ABCA1: variants seen among roughly 807,000 people sequenced by gnomAD.
ABCA1 encodes phospholipid-transporting ATPase ABCA1.
In ABCA1, 133 loss-of-function variants were observed where a neutral mutation model predicts 262.5. The ratio of observed to expected loss-of-function variants is 0.51; its 90% confidence interval spans 0.44 to 0.59. ABCA1 has a LOEUF of 0.59. Among genes scored for constraint, ABCA1 ranks in the 20% least tolerant of loss-of-function variants. The pLI is 0.00. For missense variants in ABCA1, 2,452 were observed against 2,777.5 expected (o/e 0.88, Z 2.63); for synonymous variants, 1,022 against 1,043.5 (o/e 0.98, Z 0.40).
At chr9:104,880,197 G>A (rs1564234407) in intron 5 of ABCA1, among the ~76,000 whole-genome samples, 1 of 152,166 alleles carries the variant, frequency 6.6e-6, no homozygotes, top group East Asian at 1.9e-4. Flanking sequence ...TCCCAGCCCT[G>A]GGAGAGACAG....
chr9:104,926,676 A>G (rs1275248138), intron 1 of ABCA1, among the ~76,000 whole-genome samples: 1 of 151,874 alleles, frequency 6.6e-6, no homozygotes, highest in Non-Finnish European at 1.5e-5. Flanking sequence ...CCCCACCCTC[A>G]CGGCAGAGCC....
intron 13 of ABCA1, 26 bp downstream of exon 13, chr9:104,831,596 G>C (rs1833329153): frequency 1.3e-6 from 2 of 1,596,752 alleles, no homozygotes; most frequent in African/African-American, 1.3e-5. Context: ...CCCAAGACCA[G>C]GCTGGTGTGA....
chr9:104,784,972 C>A lies in ABCA1; in HGVS notation c.6645+424G>T, dbSNP rs1025227393. On this transcript the variant is annotated intron_variant, in intron 49 of 49. Transcript: ENST00000374736. ...AACTGACTTTCTATATCGCCCCCCA[C>A]CCCTACATCACCAACTGCTCAGTCA... 4.6e-5 allele frequency among the ~76,000 whole-genome samples: 7 copies of A among 152,118 alleles called. No homozygotes were observed. In the East Asian group the frequency reaches 1.2e-3, roughly 25 times the overall value.
chr9:104,784,071 A>C lies in ABCA1; in HGVS notation c.*244T>G, dbSNP rs1050756559. 2 of 510,922 alleles carry C rather than the reference A, an allele frequency of 3.9e-6. No individual in the cohort carries two copies. Among genetic ancestry groups the C allele is most frequent in the Non-Finnish European group, 7.0e-6 (2 of 285,520 alleles). 31.6% of individuals were successfully genotyped at this position (510,922 alleles called of 1,614,324 possible). ...AATAGAGTTTCACATAGGTATAGGT[A>C]AAAAACTAAATTCAAGTCTTTCACT... On this transcript the variant is annotated 3_prime_UTR_variant, in exon 50 of 50. Coordinates refer to ENST00000374736, the MANE Select transcript of ABCA1 (RefSeq NM_005502.4).
chr9:104,847,185 T>C (rs1224326753), intron 7 of ABCA1, among the ~76,000 whole-genome samples: 1 of 152,170 alleles, frequency 6.6e-6, no homozygotes, highest in Non-Finnish European at 1.5e-5. Flanking sequence ...CCACTTCTTT[T>C]ATAAGGACTC....
intron 34 of ABCA1, among the ~76,000 whole-genome samples, 155 bp downstream of exon 34, chr9:104,801,899 G>A (rs994588937): frequency 3.3e-5 from 5 of 152,136 alleles, no homozygotes; most frequent in African/African-American, 1.2e-4. Flanking sequence ...ATTCAGTTTT[G>A]TCTGGCTCAA....
In ABCA1 at chr9:104,824,495, G is replaced by A. The variant is rs752207371; in HGVS notation, c.2626C>T (p.Pro876Ser). ...GATATTCTCTTCTGGTTGGAACCAG[G>A]GTGGCTCTTCTCATCACTTTCCTCG... The part of the protein sequence containing the change: ...FGEESDEKSH[P>S]GSNQKRISEI... Residue 876 changes from proline (P) to serine (S), a missense_variant, in exon 18 of 50, where the codon CCT becomes TCT. Around this residue, in one of 4 missense-constraint regions of ABCA1, gnomAD observed 1,032 missense variants for 1,089.7 expected, o/e 0.95. Coordinates refer to ENST00000374736, the MANE Select transcript of ABCA1 (RefSeq NM_005502.4). 6.2e-7 allele frequency: 1 copy of A among 1,614,126 alleles called. No homozygotes were observed. The highest frequency in any genetic ancestry group is 1.1e-5 in the South Asian group (1 of 91,086).
chr9:104,847,935 A>T lies in ABCA1; in HGVS notation c.721-2366T>A, dbSNP rs192228595. Among the ~76,000 whole-genome samples the T allele has an allele frequency of 5.2e-3, 785 of 152,348 alleles. 4 individuals are homozygous for T. The highest frequency in any genetic ancestry group is 0.018 in the African/African-American group (731 of 41,572). On this transcript the variant is annotated intron_variant, in intron 7 of 49. Coordinates refer to ENST00000374736, the MANE Select transcript of ABCA1 (RefSeq NM_005502.4). The stretch of plus-strand genomic sequence containing the variant: ...TGTCTATATGTATAGACATACATAC[A>T]CACATATATCTTACACATATTAACT...
Position 104,820,056 on chromosome 9 carries a change from C to A in ABCA1, c.2974G>T (p.Glu992Ter). The change falls in exon 21 of 50, where the codon GAA (glutamate) becomes TAA (stop). Residue 992 changes from glutamate (E) to a stop codon, truncating the protein, a stop_gained. Coordinates refer to ENST00000374736, the MANE Select transcript of ABCA1 (RefSeq NM_005502.4). LOFTEE classifies it high-confidence loss of function. ...AAGCGGGCATAGAACCAGATGTGTTCTTCGACAGTCAGCCTGGGGACAGGG... is the reference window on the plus strand; with the variant it reads ...AAGCGGGCATAGAACCAGATGTGTTATTCGACAGTCAGCCTGGGGACAGGG... ...NVLFDMLTVE[E>*]HIWFYARLKG... is the part of the protein sequence containing the mutation. 1 of 1,614,114 alleles carries A rather than the reference C, an allele frequency of 6.2e-7. No homozygotes were observed. Among genetic ancestry groups the A allele is most frequent in the Non-Finnish European group, 8.5e-7 (1 of 1,180,022 alleles).
At chr9:104,920,404 C>A (rs1425003822) in intron 1 of ABCA1, among the ~76,000 whole-genome samples, 1 of 152,082 alleles carries the variant, frequency 6.6e-6, no homozygotes, top group Non-Finnish European at 1.5e-5. Flanking sequence ...AGAGTGGAAC[C>A]TAATTTAATA....
chr9:104,890,429 A>G (rs1839612228), intron 2 of ABCA1, among the ~76,000 whole-genome samples: 1 of 152,068 alleles, frequency 6.6e-6, no homozygotes, highest in South Asian at 2.1e-4. Flanking sequence ...AAAATACAAA[A>G]AAGTAGCTGG....
chr9:104,871,959 A>G (rs934609181), intron 5 of ABCA1, among the ~76,000 whole-genome samples: 1 of 152,194 alleles, frequency 6.6e-6, no homozygotes, highest in African/African-American at 2.4e-5. Context: ...AGAACGGAAA[A>G]AGATGAGTTT....
intron 8 of ABCA1, among the ~76,000 whole-genome samples, chr9:104,842,096 G>A (rs1292438707): frequency 1.3e-5 from 2 of 152,170 alleles, no homozygotes; most frequent in Non-Finnish European, 2.9e-5. Flanking sequence ...GAGTGGCGTG[G>A]TCCAGCACTC....
chr9:104,881,442 G>T (rs1838644139), intron 5 of ABCA1, among the ~76,000 whole-genome samples: 1 of 152,062 alleles, frequency 6.6e-6, no homozygotes, highest in African/African-American at 2.4e-5. Flanking sequence ...AAGGCTGAGG[G>T]GTTAAATGGC....
rs772067958 is a variant in ABCA1, at chr9:104,828,897, G to A, written c.2115+19C>T. 8.7e-6 allele frequency: 14 copies of A among 1,612,404 alleles called. 1 individual carries two copies. Among genetic ancestry groups the A allele is most frequent in the Non-Finnish European group, 1.1e-5 (13 of 1,178,594 alleles). ...TTTCGGAGTTTCCTGGCAGGGAAGA[G>A]CGAGTGAGGCTGCCTTACCTTCAGG... On this transcript the variant is annotated intron_variant, in intron 15 of 49. Coordinates refer to ENST00000374736, the MANE Select transcript of ABCA1 (RefSeq NM_005502.4).
chr9:104,808,995 A>G (rs1444153587), intron 30 of ABCA1, among the ~76,000 whole-genome samples: 1 of 152,244 alleles, frequency 6.6e-6, no homozygotes, highest in Non-Finnish European at 1.5e-5. Flanking sequence ...TTTGAAGGAA[A>G]GTACAATAAA....
intron 47 of ABCA1, 72 bp downstream of exon 47, chr9:104,786,801 C>A: frequency 1.5e-6 from 2 of 1,344,126 alleles, no homozygotes; most frequent in Non-Finnish European, 2.1e-6. Flanking sequence ...CTAATTTTTA[C>A]AAAATGATCG....
chr9:104,884,657 C>A, intron 3 of ABCA1, 89 bp from the exon 4 acceptor site: 2 of 1,463,732 alleles, frequency 1.4e-6, no homozygotes, highest in Non-Finnish European at 1.9e-6. Flanking sequence ...TGCTTCATGC[C>A]AAGTCTGTCC....
At chr9:104,897,855 G>C (rs1840348068) in intron 2 of ABCA1, among the ~76,000 whole-genome samples, 1 of 152,096 alleles carries the variant, frequency 6.6e-6, no homozygotes, top group South Asian at 2.1e-4. Flanking sequence ...CGCCCACCTT[G>C]GTCTCCCAAA....
Sources: allele counts gnomAD v4.1 joint callset (sites outside exome capture counted in the v4.1 genomes callset), GRCh38; gene constraint gnomAD v4.1.1; regional missense constraint gnomAD v4.1.1; transcripts MANE v1.5; gene names NCBI Gene and HGNC (gene_info 2026-07-23, HGNC 2026-07-21).